The following LCOR variants were observed in gnomAD, a reference collection of about 807,000 sequenced individuals.
LCOR encodes ligand-dependent corepressor.
A neutral mutation model predicts 64.4 loss-of-function variants in LCOR; 14 were observed. The observed-to-expected ratio is 0.22, with a 90% CI of 0.14 to 0.34. The LOEUF is 0.34. Among genes scored for constraint, LCOR ranks in the 10% least tolerant of loss-of-function variants. LCOR has a pLI of 1.00. For synonymous variants in LCOR, 643 were observed against 642.5 expected, an observed-to-expected ratio of 1.00 and a Z score of -0.01; for missense variants, 1,686 against 1,765.3, an observed-to-expected ratio of 0.96 and a Z score of 0.80.
intron 2 of LCOR, among the ~76,000 whole-genome samples, chr10:96,874,996 T>C (rs1846139194): frequency 3.3e-5 from 5 of 152,042 alleles, no homozygotes; most frequent in Admixed American, 3.3e-4. Flanking sequence ...CAGACATCTT[T>C]TCTTGGAAGC....
At chr10:96,966,142 G>T (rs1018491450) in intron 7 of LCOR, among the ~76,000 whole-genome samples, 3 of 138,902 alleles carry the variant, frequency 2.2e-5, no homozygotes, top group Non-Finnish European at 4.6e-5. Flanking sequence ...CATAAGAGAA[G>T]TAAAATGGAG....
chr10:96,905,839 A>AGAGCTG (rs1846717977), intron 2 of LCOR, among the ~76,000 whole-genome samples: 1 of 152,208 alleles, frequency 6.6e-6, no homozygotes, highest in Non-Finnish European at 1.5e-5. Flanking sequence ...TATATCATAT[A>AGAGCTG]GTATAGAAAA....
At position 96,952,980 on chromosome 10, in the gene LCOR, A is replaced by G. The variant is rs181731564; in HGVS notation, c.332+784A>G. Among the ~76,000 whole-genome samples the G allele has an allele frequency of 1.7e-4, 26 of 152,304 alleles. 1 individual carries two copies. The highest frequency in any genetic ancestry group is 9.2e-4 in the Admixed American group (14 of 15,298). The stretch of plus-strand genomic sequence containing the variant: ...GGCTTATTGAACTTTCAGATTATCA[A>G]TGTGGGGGAGTTACTTAGATATTAA... On this transcript the variant is annotated intron_variant, in intron 7 of 7. Coordinates refer to ENST00000421806, the MANE Select transcript of LCOR (RefSeq NM_001346516.2).
At chr10:96,931,391 G>T (rs1847258419) in intron 4 of LCOR, among the ~76,000 whole-genome samples, 1 of 151,952 alleles carries the variant, frequency 6.6e-6, no homozygotes, top group East Asian at 1.9e-4. Context: ...ACACTACCAT[G>T]CCTGGGTAGT....
chr10:96,867,055 C>T (rs755441416), intron 2 of LCOR, among the ~76,000 whole-genome samples: 3 of 152,058 alleles, frequency 2.0e-5, no homozygotes, highest in Admixed American at 6.6e-5. Context: ...GGCGCAATCT[C>T]GGCTCACCGC....
chr10:96,845,449 CTTTTTTTTTTTTTTTTTTTTTT>C (rs762639752), intron 2 of LCOR, among the ~76,000 whole-genome samples: 5 of 48,686 alleles, frequency 1.0e-4, no homozygotes, highest in East Asian at 1.3e-3. Flanking sequence ...TGGGCTTATC[CTTTTTTTTTTTTTTTTTTTTTT>C]TTTTTTTTTT....
At chr10:96,956,504 A>G in intron 7 of LCOR, 1 of 982,764 alleles carries the variant, frequency 1.0e-6, no homozygotes, top group Non-Finnish European at 1.2e-6. Context: ...TGGGTCATTT[A>G]TAGTTACATT....
At chr10:96,890,232 C>T (rs191736903) in intron 2 of LCOR, among the ~76,000 whole-genome samples, 37 of 152,142 alleles carry the variant, frequency 2.4e-4, no homozygotes, top group Middle Eastern at 3.4e-3. Context: ...TCTAGGACTA[C>T]GTACCACATC....
At chr10:96,956,459 C>T in intron 7 of LCOR, 1 of 984,750 alleles carries the variant, frequency 1.0e-6, no homozygotes, top group Non-Finnish European at 1.2e-6. Flanking sequence ...GAACCTTTGA[C>T]TTTGAGAAAT....
intron 2 of LCOR, among the ~76,000 whole-genome samples, chr10:96,879,036 T>G (rs918906424): frequency 3.9e-5 from 6 of 152,112 alleles, no homozygotes; most frequent in African/African-American, 1.4e-4. Flanking sequence ...GCTCAAGTGA[T>G]TCGCCTGCCT....
At chr10:96,937,285 T>G (rs1373355505) in intron 4 of LCOR, among the ~76,000 whole-genome samples, 2 of 152,184 alleles carry the variant, frequency 1.3e-5, no homozygotes, top group African/African-American at 4.8e-5. Flanking sequence ...AGGACTCTTC[T>G]CTAGACCTTT....
intron 2 of LCOR, among the ~76,000 whole-genome samples, chr10:96,889,092 T>C (rs1002099124): frequency 6.6e-6 from 1 of 152,230 alleles, no homozygotes; most frequent in Non-Finnish European, 1.5e-5. Context: ...ATTACCACTA[T>C]CTAATTGTAT....
chr10:96,885,079 A>G (rs1218741732), intron 2 of LCOR, among the ~76,000 whole-genome samples: 1 of 152,204 alleles, frequency 6.6e-6, no homozygotes, highest in East Asian at 1.9e-4. Context: ...CAATAAACCT[A>G]TCACTGTTCA....
At chr10:96,931,835 G>A (rs974849652) in intron 4 of LCOR, among the ~76,000 whole-genome samples, 3 of 152,160 alleles carry the variant, frequency 2.0e-5, no homozygotes, top group African/African-American at 7.2e-5. Context: ...ATAAGTACGT[G>A]GGAACTGTGT....
rs1847901568 is a variant in LCOR at position 96,962,805 on chromosome 10, T to C, written c.332+10609T>C. ...ACTATACATTTGGAGTGTTTGCATA[T>C]AATTCTTTATAACCTCCACTTAAAG... On this transcript the variant is annotated intron_variant, in intron 7 of 7. Transcript: ENST00000421806. The C allele has an allele frequency of 1.3e-5, 2 of 152,190 alleles. 1 individual carries two copies. The highest frequency in any genetic ancestry group is 4.1e-4 in the South Asian group (2 of 4,830). 9.4% of individuals were successfully genotyped at this position (152,190 alleles called of 1,614,324 possible).
intron 7 of LCOR, chr10:96,957,854 G>A: frequency 1.0e-6 from 1 of 986,006 alleles, no homozygotes; most frequent in Non-Finnish European, 1.2e-6. Context: ...TTAATCAGTG[G>A]ATAACTGAGC....
At chr10:96,926,724 T>A (rs1847175177) in intron 4 of LCOR, among the ~76,000 whole-genome samples, 1 of 152,004 alleles carries the variant, frequency 6.6e-6, no homozygotes, top group Non-Finnish European at 1.5e-5. Context: ...CTTCCCAGAC[T>A]CCCAGACCTG....
Position 96,988,897 on chromosome 10 carries a change from CA to C in LCOR, c.*3765del, listed in dbSNP as rs1415849722. The C allele has an allele frequency of 6.6e-6, 1 of 152,240 alleles. No individual in the cohort carries two copies. The highest frequency in any genetic ancestry group is 2.4e-5 in the African/African-American group (1 of 41,462). 9.4% of individuals were successfully genotyped at this position (152,240 alleles called of 1,614,324 possible). ...TCTGTCTGCGGCTGCTTTCGCACTGCAAGAGCAGAGTTGAGTAGCTGCGGCA... is the reference window on the plus strand; with the variant it reads ...TCTGTCTGCGGCTGCTTTCGCACTGCAGAGCAGAGTTGAGTAGCTGCGGCA... On this transcript the variant is annotated 3_prime_UTR_variant, in exon 8 of 8. Transcript: ENST00000421806.
chr10:96,895,454 A>T (rs1248298627), intron 2 of LCOR, among the ~76,000 whole-genome samples: 3 of 152,182 alleles, frequency 2.0e-5, no homozygotes, highest in African/African-American at 7.2e-5. Context: ...TGTTGTCATA[A>T]TAGTCTCCTA....
Sources: allele counts gnomAD v4.1 joint callset (sites outside exome capture counted in the v4.1 genomes callset), GRCh38; gene constraint gnomAD v4.1.1; transcripts MANE v1.5; gene names NCBI Gene and HGNC (gene_info 2026-07-23, HGNC 2026-07-21).